RASL10B: variants seen among roughly 807,000 people sequenced by gnomAD.
RASL10B encodes ras-like protein family member 10B.
A neutral mutation model predicts 20.7 loss-of-function variants in RASL10B; 10 were observed. The observed-to-expected ratio is 0.48, with a 90% CI of 0.30 to 0.82. The LOEUF is 0.82. Ranked by LOEUF, RASL10B falls within the 40% of genes least tolerant of loss-of-function variation. The pLI, the probability that RASL10B is intolerant of heterozygous loss-of-function variation, is 0.07. For synonymous variants in RASL10B, 110 were observed against 123.3 expected (o/e 0.89, Z 0.72); for missense variants, 231 against 295.4 (o/e 0.78, Z 1.60).
Position 35,740,430 on chromosome 17 carries a change from A to G in RASL10B, c.238A>G (p.Arg80Gly). Residue 80 changes from arginine to glycine, a missense_variant, in exon 3 of 4, where the codon AGG (arginine) becomes GGG (glycine). Transcript: ENST00000603017. ...GCAGGAGTGGGCAGACACCTGCTGC[A>G]GGGGACTCCGGAGTGTCCACGCCTA... The part of the protein sequence containing the change: ...TLQEWADTCC[R>G]GLRSVHAYIL... 1.9e-6 allele frequency: 3 copies of G among 1,613,866 alleles called. No individual in the cohort carries two copies. Among genetic ancestry groups the G allele is most frequent in the South Asian group, 1.1e-5 (1 of 91,070 alleles).
intron 1 of RASL10B, among the ~76,000 whole-genome samples, chr17:35,733,461 C>T (rs923055933): frequency 1.3e-5 from 2 of 152,224 alleles, no homozygotes; most frequent in African/African-American, 2.4e-5. Flanking sequence ...ATGCTGTGTG[C>T]GCACATACCC....
chr17:35,741,567 G>A lies in RASL10B; in HGVS notation c.*262G>A, dbSNP rs587593699. ...GTGCAGTGCCCGGCCCGACCCGCGG[G>A]GGTGCCACAGCCTTTTGGGATGGGG... On this transcript the variant is annotated 3_prime_UTR_variant, in exon 4 of 4. Coordinates refer to ENST00000603017, the MANE Select transcript of RASL10B (RefSeq NM_033315.4). The A allele has an allele frequency of 1.2e-3, 506 of 433,318 alleles. 2 individuals carry two copies. Among genetic ancestry groups the A allele is most frequent in the African/African-American group, 9.4e-3 (459 of 48,888 alleles). 26.8% of individuals were successfully genotyped at this position (433,318 alleles called of 1,614,324 possible).
At chr17:35,738,341 C>T (rs1211232696) in intron 2 of RASL10B, among the ~76,000 whole-genome samples, 2 of 152,070 alleles carry the variant, frequency 1.3e-5, no homozygotes, top group African/African-American at 4.8e-5. Context: ...AAAAAGGTAT[C>T]CTCAAGGCAC....
chr17:35,733,871 G>T (rs587633836), intron 1 of RASL10B, among the ~76,000 whole-genome samples: 1 of 152,350 alleles, frequency 6.6e-6, no homozygotes, highest in South Asian at 2.1e-4. Flanking sequence ...CAGAGCTGAT[G>T]AATTCGTATC....
chr17:35,740,675 C>G (rs587609822), intron 3 of RASL10B, 142 bp downstream of exon 3: 8 of 1,068,336 alleles, frequency 7.5e-6, no homozygotes, highest in Admixed American at 2.3e-5. Flanking sequence ...AACATGCATA[C>G]ATTGTGCTGT....
At chr17:35,732,578 G>C (rs1379969966) in intron 1 of RASL10B, among the ~76,000 whole-genome samples, 2 of 152,182 alleles carry the variant, frequency 1.3e-5, no homozygotes, top group African/African-American at 4.8e-5. Flanking sequence ...ACTTGGACCT[G>C]ATGAGTTCCA....
chr17:35,735,828 T>C lies in RASL10B; in HGVS notation c.216+428T>C, dbSNP rs899501827. Among the ~76,000 whole-genome samples, 30 of 152,276 alleles carry C rather than the reference T, an allele frequency of 2.0e-4. No homozygotes were observed. Among genetic ancestry groups the C allele is most frequent in the African/African-American group, 6.7e-4 (28 of 41,556 alleles). ...GGAGTTGGGGGGTCACAGAGGGTGA[T>C]GTCTCAACTAAATAGGTTTTAGGCA... On this transcript the variant is annotated intron_variant, in intron 2 of 3. Transcript: ENST00000603017. This position sits in a 1 kb window ranked among gnomAD's most constrained non-coding sequence, Gnocchi z 6.7.
At chr17:35,732,432 G>A (rs1232570539) in intron 1 of RASL10B, among the ~76,000 whole-genome samples, 1 of 152,254 alleles carries the variant, frequency 6.6e-6, no homozygotes, top group African/African-American at 2.4e-5. Flanking sequence ...CAGGGGCCTG[G>A]GCCCTGCTTC....
chr17:35,741,288 C>A lies in RASL10B; in HGVS notation c.595C>A (p.Arg199Ser), dbSNP rs2085627603. The change falls in exon 4 of 4, where the codon CGC (arginine) becomes AGC (serine). Residue 199 changes from arginine (R) to serine (S), a missense_variant. Coordinates refer to ENST00000603017, the MANE Select transcript of RASL10B (RefSeq NM_033315.4). ...LRFQGALRRN[R>S]CAIM ...CTTCCAGGGCGCGCTGCGCCGCAAC[C>A]GCTGCGCCATCATGTGACGCCTGCG... 6.6e-7 allele frequency: 1 copy of A among 1,517,070 alleles called. No homozygotes were observed. The highest frequency in any genetic ancestry group is 8.9e-7 in the Non-Finnish European group (1 of 1,129,110). 94.0% of individuals were successfully genotyped at this position (1,517,070 alleles called of 1,614,324 possible). A position where few individuals can be genotyped will look rare whatever the true frequency, so the allele number is the denominator to read the frequency against.
rs2085557793 is a variant in RASL10B, at chr17:35,731,652, CA to C, written c.-373del. ...CACCCCCTCCTCCTTCCAGCGCGAGCAGGCGGCGCGCTCCGGAGGGAGAGCT... is the reference window on the plus strand; with the variant it reads ...CACCCCCTCCTCCTTCCAGCGCGAGCGGCGGCGCGCTCCGGAGGGAGAGCT... On this transcript the variant is annotated 5_prime_UTR_variant, in exon 1 of 4. Transcript: ENST00000603017. 1 of 152,258 alleles carries C rather than the reference CA, an allele frequency of 6.6e-6. No homozygotes were observed. Among genetic ancestry groups the C allele is most frequent in the Non-Finnish European group, 1.5e-5 (1 of 68,076 alleles). 9.4% of individuals were successfully genotyped at this position (152,258 alleles called of 1,614,324 possible).
At position 35,741,023 on chromosome 17, in the gene RASL10B, C is replaced by G; in HGVS notation, c.342-12C>G. The G allele has an allele frequency of 6.3e-7, 1 of 1,581,670 alleles. No homozygotes were observed. The highest frequency in any genetic ancestry group is 1.1e-5 in the South Asian group (1 of 87,100). ...GCTGACAGAGTTCTGAGCTGCCTGC[C>G]TCGCCCCACAGGGTGATCGGAACCT... On this transcript the variant is annotated splice_polypyrimidine_tract_variant and intron_variant, in intron 3 of 3. Coordinates refer to ENST00000603017, the MANE Select transcript of RASL10B (RefSeq NM_033315.4).
chr17:35,739,200 C>T (rs74616669), intron 2 of RASL10B, among the ~76,000 whole-genome samples: 7,621 of 152,298 alleles, frequency 0.05, 271 homozygotes, highest in Non-Finnish European at 0.074. Flanking sequence ...CCACCAAAGT[C>T]GTTTCCTTTT....
At position 35,741,275 on chromosome 17, in the gene RASL10B, G is replaced by C. The variant is rs143065750; in HGVS notation, c.582G>C (p.Ala194=). The change falls in exon 4 of 4, where the codon GCG becomes GCC. Residue 194 remains alanine (A), a synonymous_variant. Transcript: ENST00000603017. ...ACGCTGCCCTGCGCTTCCAGGGCGC[G>C]CTGCGCCGCAACCGCTGCGCCATCA... ...HVHAALRFQG[A]LRRNRCAIM 162 of 1,535,126 alleles carry C rather than the reference G, an allele frequency of 1.1e-4. 1 individual carries two copies. Among genetic ancestry groups the C allele is most frequent in the Middle Eastern group, 5.9e-4 (3 of 5,106 alleles).
intron 2 of RASL10B, 116 bp from the exon 3 acceptor site, chr17:35,740,293 G>T: frequency 7.3e-7 from 1 of 1,378,220 alleles, no homozygotes; most frequent in Non-Finnish European, 9.9e-7. Context: ...GGTCGGGTAT[G>T]GAAGGCTTCA....
Position 35,742,075 on chromosome 17 carries a change from C to A in RASL10B, c.*770C>A, listed in dbSNP as rs1316917195. 1 of 150,060 alleles carries A rather than the reference C, an allele frequency of 6.7e-6. No individual in the cohort carries two copies. The highest frequency in any genetic ancestry group is 2.1e-4 in the South Asian group (1 of 4,670). 9.3% of individuals were successfully genotyped at this position (150,060 alleles called of 1,614,324 possible). A position where few individuals can be genotyped will look rare whatever the true frequency, so the allele number is the denominator to read the frequency against. On this transcript the variant is annotated 3_prime_UTR_variant, in exon 4 of 4. Transcript: ENST00000603017. ...TCTTCCTGACCCCAAAGCCAGATCA[C>A]CCCCTGGGTTAAAACTTTTTTTCTT...
Position 35,735,746 on chromosome 17 carries a change from G to A in RASL10B, c.216+346G>A, listed in dbSNP as rs2085587858. Among the ~76,000 whole-genome samples the A allele has an allele frequency of 1.3e-5, 2 of 152,374 alleles. No individual in the cohort carries two copies. The highest frequency in any genetic ancestry group is 3.9e-4 in the East Asian group (2 of 5,192). ...TGTGATAAGTTCTATGATTGGAGGAGCAGGGAGCTGGGGCAGCCCTTAAGG... is the reference window on the plus strand; with the variant it reads ...TGTGATAAGTTCTATGATTGGAGGAACAGGGAGCTGGGGCAGCCCTTAAGG... On this transcript the variant is annotated intron_variant, in intron 2 of 3. Transcript: ENST00000603017. The surrounding 1 kb of genome is among the most constrained non-coding windows in gnomAD (Gnocchi z 6.7).
In RASL10B at chr17:35,731,710, C is replaced by G. The variant is rs1278580657; in HGVS notation, c.-316C>G. 2.0e-5 allele frequency: 3 copies of G among 151,830 alleles called. No homozygotes were observed. The highest frequency in any genetic ancestry group is 4.4e-5 in the Non-Finnish European group (3 of 67,896). 9.4% of individuals were successfully genotyped at this position (151,830 alleles called of 1,614,324 possible). A position where few individuals can be genotyped will look rare whatever the true frequency, so the allele number is the denominator to read the frequency against. On this transcript the variant is annotated 5_prime_UTR_variant, in exon 1 of 4. Transcript: ENST00000603017. ...GGAGGTTCCTACCCCCTCGGCGGCC[C>G]GCATCTGCCCCCGCGCGCCCGCCCT...
intron 3 of RASL10B, 46 bp from the exon 4 acceptor site, chr17:35,740,989 G>T: frequency 2.7e-6 from 4 of 1,503,366 alleles, no homozygotes; most frequent in Non-Finnish European, 3.6e-6. Context: ...GGAGTACAGC[G>T]GTTGTGGGGC....
rs781869944 is a variant in RASL10B at position 35,733,932 on chromosome 17, C to T, written c.-147-1106C>T. On this transcript the variant is annotated intron_variant, in intron 1 of 3. Transcript: ENST00000603017. ...TTCTGGGCACCTGCTATGTGCCAGG[C>T]CCTCTGGGCTCTAGGGGATGCCAGA... Among the ~76,000 whole-genome samples the T allele has an allele frequency of 8.5e-5, 13 of 152,366 alleles. No homozygotes were observed. The Middle Eastern group carries it at 0.01, about 120-fold the overall frequency.
Sources: allele counts gnomAD v4.1 joint callset (sites outside exome capture counted in the v4.1 genomes callset), GRCh38; gene constraint gnomAD v4.1.1; non-coding constraint Gnocchi (gnomAD v3.1); transcripts MANE v1.5; gene names NCBI Gene and HGNC (gene_info 2026-07-23, HGNC 2026-07-21).